The following POFUT3 variants were observed in gnomAD, a reference collection of about 807,000 sequenced individuals.
The protein encoded by POFUT3 is protein O-fucosyltransferase 3.
chr8:33,309,431 G>C, the POFUT3 span, among the ~76,000 whole-genome samples: 2 of 151,366 alleles, frequency 1.3e-5, no homozygotes, highest in East Asian at 2.0e-4. Flanking sequence ...CCTTAGAAAT[G>C]AGAGCTTGGT....
chr8:33,457,379 T>C, the POFUT3 span, among the ~76,000 whole-genome samples: 1 of 152,024 alleles, frequency 6.6e-6, no homozygotes, highest in African/African-American at 2.4e-5. Context: ...ACCTGTAATC[T>C]CAGCTACTTG....
At chr8:33,317,599 G>C in the POFUT3 span, among the ~76,000 whole-genome samples, 1 of 152,116 alleles carries the variant, frequency 6.6e-6, no homozygotes. Context: ...TATAAGCCCT[G>C]TCTTTTAAAA....
At chr8:33,412,283 T>C in the POFUT3 span, among the ~76,000 whole-genome samples, 3 of 152,108 alleles carry the variant, frequency 2.0e-5, no homozygotes, top group African/African-American at 4.8e-5. Flanking sequence ...AAGTGAAGCA[T>C]TGGGAATTAA....
At chr8:33,391,052 G>A in the POFUT3 span, among the ~76,000 whole-genome samples, 1 of 151,998 alleles carries the variant, frequency 6.6e-6, no homozygotes, top group Non-Finnish European at 1.5e-5. Context: ...TAAGGAAACG[G>A]GAAAAAATTC....
the POFUT3 span, among the ~76,000 whole-genome samples, chr8:33,332,099 A>G: frequency 6.6e-6 from 1 of 151,338 alleles, no homozygotes; most frequent in Non-Finnish European, 1.5e-5. Flanking sequence ...GCTATGATCA[A>G]GCCAGTGCAC....
the POFUT3 span, chr8:33,388,936 C>T: frequency 1.3e-6 from 2 of 1,583,334 alleles, no homozygotes; most frequent in Non-Finnish European, 8.7e-7. Flanking sequence ...AGCCTGCTGG[C>T]TCTATGCCCA....
chr8:33,342,906 G>C, the POFUT3 span, among the ~76,000 whole-genome samples: 3 of 152,060 alleles, frequency 2.0e-5, no homozygotes, highest in African/African-American at 7.2e-5. Context: ...AGGAGTTTGA[G>C]ACCAGCCTGG....
the POFUT3 span, among the ~76,000 whole-genome samples, chr8:33,375,887 C>T: frequency 6.6e-6 from 1 of 151,688 alleles, no homozygotes; most frequent in Admixed American, 6.6e-5. Context: ...TGTGGTGGCG[C>T]GTGCCTGTAA....
the POFUT3 span, among the ~76,000 whole-genome samples, chr8:33,457,321 C>T: frequency 9.6e-4 from 146 of 152,144 alleles, no homozygotes; most frequent in Non-Finnish European, 1.4e-3. Context: ...TGGTGGCATG[C>T]CCTGTCTCTC....
chr8:33,445,628 T>A, the POFUT3 span, among the ~76,000 whole-genome samples: 2 of 152,130 alleles, frequency 1.3e-5, no homozygotes, highest in African/African-American at 2.4e-5. Context: ...AGAAGAGGCC[T>A]GGCAAATGGT....
At chr8:33,420,841 G>A in the POFUT3 span, among the ~76,000 whole-genome samples, 2 of 151,666 alleles carry the variant, frequency 1.3e-5, no homozygotes, top group African/African-American at 4.8e-5. Flanking sequence ...TGTTTGAGAT[G>A]ATAGATTTGC....
At chr8:33,308,906 G>A in the POFUT3 span, among the ~76,000 whole-genome samples, 4 of 148,176 alleles carry the variant, frequency 2.7e-5, no homozygotes, top group Admixed American at 6.7e-5. Flanking sequence ...GTGGTGAATC[G>A]TCCATAGTCT....
At chr8:33,334,638 G>A in the POFUT3 span, among the ~76,000 whole-genome samples, 1 of 152,206 alleles carries the variant, frequency 6.6e-6, no homozygotes, top group African/African-American at 2.4e-5. Context: ...GAATAGAATA[G>A]CAAGGTAATA....
chr8:33,417,135 A>G, the POFUT3 span, among the ~76,000 whole-genome samples: 2 of 152,192 alleles, frequency 1.3e-5, no homozygotes, highest in Non-Finnish European at 2.9e-5. Flanking sequence ...AGATTCTCAC[A>G]GAAGCATGAA....
chr8:33,407,929 AG>A, the POFUT3 span, among the ~76,000 whole-genome samples: 1 of 147,882 alleles, frequency 6.8e-6, no homozygotes, highest in Admixed American at 6.8e-5. Context: ...TGGAGGTTGC[AG>A]GGAGCCGAGA....
At chr8:33,332,163 A>AGAG in the POFUT3 span, among the ~76,000 whole-genome samples, 40 of 145,176 alleles carry the variant, frequency 2.8e-4, no homozygotes, top group East Asian at 6.8e-4. Flanking sequence ...AAGAAGAAGA[A>AGAG]GAGGAGGAGG....
At chr8:33,466,407 T>A in the POFUT3 span, among the ~76,000 whole-genome samples, 1 of 150,224 alleles carries the variant, frequency 6.7e-6, no homozygotes, top group African/African-American at 2.5e-5. Flanking sequence ...CCAGCCTGGG[T>A]AGCAGAGTGA....
the POFUT3 span, among the ~76,000 whole-genome samples, chr8:33,309,077 C>T: frequency 7.2e-6 from 1 of 138,040 alleles, no homozygotes; most frequent in Admixed American, 8.0e-5. Flanking sequence ...TAGTGTCTGA[C>T]TCTGGAGCCC....
the POFUT3 span, among the ~76,000 whole-genome samples, chr8:33,383,558 G>A: frequency 2.6e-5 from 4 of 152,114 alleles, no homozygotes; most frequent in African/African-American, 9.7e-5. Flanking sequence ...CAGCACTTTG[G>A]GAGGCTGAGG....
Sources: allele counts gnomAD v4.1 joint callset (sites outside exome capture counted in the v4.1 genomes callset), GRCh38; gene constraint gnomAD v4.1.1; transcripts MANE v1.5; gene names NCBI Gene and HGNC (gene_info 2026-07-23, HGNC 2026-07-21).